RBFOX1: variants seen among roughly 807,000 people sequenced by gnomAD.
RBFOX1 encodes RNA binding protein fox-1 homolog 1.
Under a neutral mutation model 57.7 loss-of-function variants are expected in RBFOX1, and 8 were observed. That is an observed-to-expected ratio of 0.14 (90% CI 0.08 to 0.25). The LOEUF is 0.25. RBFOX1 is among the 10% of genes least tolerant of loss of function. RBFOX1 has a pLI of 1.00. For missense variants in RBFOX1, 611 were observed against 548.5 expected (o/e 1.11, Z -1.14); for synonymous variants, 326 against 222.4 (o/e 1.47, Z -4.15).
In RBFOX1 at chr16:5,887,279, A is replaced by G. The variant is rs184039076; in HGVS notation, c.351+19944A>G. On this transcript the variant is annotated intron_variant, in intron 4 of 19. Transcript: ENST00000641259. ...GCATTCGTGGTACCTGGCCCTGGAC[A>G]CCACAGCAGCCCCAGTGAATGTAAC... 1.9e-4 allele frequency among the ~76,000 whole-genome samples: 29 copies of G among 152,328 alleles called. 1 individual carries two copies. In the East Asian group the frequency reaches 5.6e-3, roughly 29 times the overall value.
chr16:5,240,477 C>CG (rs1297782401), intron 1 of RBFOX1, among the ~76,000 whole-genome samples: 1 of 152,002 alleles, frequency 6.6e-6, no homozygotes, highest in Non-Finnish European at 1.5e-5. Flanking sequence ...TCCCACCTGG[C>CG]GGGGGGCTTA....
chr16:5,817,116 T>C (rs966280774), intron 3 of RBFOX1, among the ~76,000 whole-genome samples: 9 of 152,186 alleles, frequency 5.9e-5, no homozygotes, highest in Non-Finnish European at 1.3e-4. Flanking sequence ...CTGTACATCT[T>C]CCCTGCATTG....
At chr16:5,921,824 G>C (rs2058828594) in intron 4 of RBFOX1, among the ~76,000 whole-genome samples, 1 of 151,966 alleles carries the variant, frequency 6.6e-6, no homozygotes, top group South Asian at 2.1e-4. Context: ...GAGGGAGCAA[G>C]AGAGAGCAAG....
chr16:5,255,310 G>A (rs1284340836), intron 1 of RBFOX1, among the ~76,000 whole-genome samples: 2 of 123,448 alleles, frequency 1.6e-5, no homozygotes, highest in African/African-American at 2.6e-5. Flanking sequence ...CCGCCTATCC[G>A]TCCACACTTC....
chr16:6,761,208 C>T (rs546428646), intron 3 of RBFOX1, among the ~76,000 whole-genome samples: 1 of 151,998 alleles, frequency 6.6e-6, no homozygotes, highest in Non-Finnish European at 1.5e-5. Context: ...GGCAAATGAG[C>T]AATAAATTTG....
At chr16:6,981,714 C>A (rs1016384585) in intron 3 of RBFOX1, among the ~76,000 whole-genome samples, 1 of 152,078 alleles carries the variant, frequency 6.6e-6, no homozygotes, top group Non-Finnish European at 1.5e-5. Context: ...GAGTCAGTAT[C>A]CTGAGAACAG....
At chr16:6,206,345 A>T (rs2097255382) in intron 1 of RBFOX1, among the ~76,000 whole-genome samples, 1 of 152,128 alleles carries the variant, frequency 6.6e-6, no homozygotes, top group Non-Finnish European at 1.5e-5. Context: ...GAATCTGCTG[A>T]AGCATCATGT....
At chr16:6,216,607 T>C (rs991945999) in intron 1 of RBFOX1, among the ~76,000 whole-genome samples, 21 of 152,178 alleles carry the variant, frequency 1.4e-4, no homozygotes, top group Non-Finnish European at 4.4e-5. Flanking sequence ...CAAACTCAAA[T>C]GGTAACTCAA....
intron 4 of RBFOX1, among the ~76,000 whole-genome samples, chr16:7,487,762 C>G (rs531596114): frequency 4.6e-4 from 70 of 152,274 alleles, no homozygotes; most frequent in African/African-American, 1.6e-3. Flanking sequence ...AAAGTGCCTC[C>G]TCATTCAGCA....
At chr16:7,190,665 A>T (rs1251057082) in intron 4 of RBFOX1, among the ~76,000 whole-genome samples, 1 of 152,122 alleles carries the variant, frequency 6.6e-6, no homozygotes, top group Non-Finnish European at 1.5e-5. Flanking sequence ...TGAAATCAGA[A>T]ATTCAGCTCC....
At chr16:6,263,831 C>G (rs28502468) in intron 1 of RBFOX1, among the ~76,000 whole-genome samples, 7 of 152,250 alleles carry the variant, frequency 4.6e-5, no homozygotes, top group African/African-American at 1.7e-4. Flanking sequence ...TGCTTCCATC[C>G]CAAAATGCCA....
At chr16:6,732,509 C>T (rs76374269) in intron 3 of RBFOX1, among the ~76,000 whole-genome samples, 6 of 152,250 alleles carry the variant, frequency 3.9e-5, no homozygotes, top group South Asian at 4.1e-4. Context: ...GGCTTAGGAT[C>T]GTAATCTAGA....
At chr16:7,008,416 T>G (rs1018437523) in intron 3 of RBFOX1, among the ~76,000 whole-genome samples, 2 of 151,874 alleles carry the variant, frequency 1.3e-5, no homozygotes, top group African/African-American at 4.8e-5. Flanking sequence ...GTGGCGCATC[T>G]GTAATTCCAG....
chr16:5,294,978 C>T lies in RBFOX1; in HGVS notation c.219+54873C>T, dbSNP rs532137224. 3.1e-4 allele frequency among the ~76,000 whole-genome samples: 41 copies of T among 133,626 alleles called. No individual in the cohort carries two copies. In the South Asian group the frequency reaches 9.4e-3, roughly 31 times the overall value. The allele number at this position is 133,626 out of a possible 152,430, so 87.7% of individuals were successfully genotyped here. On this transcript the variant is annotated intron_variant, in intron 1 of 2. Transcript: ENST00000585867. The stretch of plus-strand genomic sequence containing the variant: ...CCAGGAGGCAGAGACTGCAGTGAGC[C>T]GAGATCGCACCATTGCACTCCAGCC...
At chr16:5,392,529 A>AT (rs913231218) in intron 1 of RBFOX1, among the ~76,000 whole-genome samples, 305 of 150,020 alleles carry the variant, frequency 2.0e-3, no homozygotes, top group African/African-American at 6.4e-3. Flanking sequence ...ATATATATAT[A>AT]TTTTTTTTCT....
intron 4 of RBFOX1, chr16:7,333,050 A>G: frequency 6.2e-7 from 1 of 1,613,900 alleles, no homozygotes; most frequent in Non-Finnish European, 8.5e-7. Flanking sequence ...CGTGCCTATG[A>G]TTGTACCGGC....
At chr16:5,425,562 T>C (rs765759868) in intron 1 of RBFOX1, among the ~76,000 whole-genome samples, 25 of 152,182 alleles carry the variant, frequency 1.6e-4, no homozygotes, top group South Asian at 6.2e-4. Context: ...AAATCAGCCA[T>C]GTGACTCCCC....
chr16:6,354,453 G>A (rs1383158636), intron 2 of RBFOX1, among the ~76,000 whole-genome samples: 1 of 152,056 alleles, frequency 6.6e-6, no homozygotes, highest in Non-Finnish European at 1.5e-5. Context: ...AGCGAAACCA[G>A]TGTTCCAAAA....
At chr16:7,535,623 A>G (rs1385721293) in intron 5 of RBFOX1, among the ~76,000 whole-genome samples, 1 of 152,212 alleles carries the variant, frequency 6.6e-6, no homozygotes, top group East Asian at 1.9e-4. Context: ...CACCACCTCA[A>G]AACTAGAGTT....
Sources: gnomAD v4.1 joint callset for allele counts (sites outside exome capture counted in the v4.1 genomes callset) on GRCh38, gnomAD v4.1.1 for gene constraint, MANE v1.5 for transcripts, NCBI Gene and HGNC (gene_info 2026-07-23, HGNC 2026-07-21) for gene names.